Variants in PCDH9 observed in about 807,000 individuals in gnomAD.
The protein encoded by PCDH9 is protocadherin 9.
In PCDH9, 24 loss-of-function variants were observed where a neutral mutation model predicts 70.6. That is an observed-to-expected ratio of 0.34 (90% confidence interval 0.25 to 0.48). The LOEUF is 0.48. PCDH9 is among the 20% of genes least tolerant of loss of function. PCDH9 has a pLI of 0.99. For missense variants in PCDH9, 1,281 were observed against 1,503.6 expected (o/e 0.85, Z 2.45); for synonymous variants, 562 against 558.5 (o/e 1.01, Z -0.09).
intron 4 of PCDH9, among the ~76,000 whole-genome samples, chr13:66,320,394 C>T (rs1433533461): frequency 6.6e-6 from 1 of 151,984 alleles, no homozygotes; most frequent in African/African-American, 2.4e-5. Flanking sequence ...CTTAGGATGT[C>T]AGTCTGTTTC....
intron 4 of PCDH9, among the ~76,000 whole-genome samples, chr13:66,386,801 A>G (rs1278567116): frequency 6.6e-6 from 1 of 152,200 alleles, no homozygotes; most frequent in African/African-American, 2.4e-5. Context: ...GGAGCAAAAT[A>G]CCAGACAGAG....
chr13:66,418,522 A>G (rs982979217), intron 4 of PCDH9, among the ~76,000 whole-genome samples: 1 of 152,268 alleles, frequency 6.6e-6, no homozygotes, highest in African/African-American at 2.4e-5. Context: ...GGCAGAAATA[A>G]ATAAGTTATT....
At chr13:66,684,563 C>G (rs2078373806) in intron 3 of PCDH9, among the ~76,000 whole-genome samples, 2 of 152,144 alleles carry the variant, frequency 1.3e-5, no homozygotes, top group Admixed American at 1.3e-4. Flanking sequence ...GGCTTTCCCC[C>G]TTTCACTTGG....
At chr13:66,573,063 A>C (rs1431865332) in intron 4 of PCDH9, among the ~76,000 whole-genome samples, 1 of 152,046 alleles carries the variant, frequency 6.6e-6, no homozygotes, top group African/African-American at 2.4e-5. Flanking sequence ...AGTATACTAG[A>C]GCTCCTTTTC....
chr13:66,734,737 C>T (rs1057258289), intron 3 of PCDH9, among the ~76,000 whole-genome samples: 1 of 152,176 alleles, frequency 6.6e-6, no homozygotes, highest in Non-Finnish European at 1.5e-5. Context: ...AGGCTAGGTA[C>T]TGCCTATATA....
intron 2 of PCDH9, among the ~76,000 whole-genome samples, chr13:67,094,461 G>A (rs2086280491): frequency 6.6e-6 from 1 of 152,148 alleles, no homozygotes; most frequent in Non-Finnish European, 1.5e-5. Flanking sequence ...TATATTCTCT[G>A]CTGTCAATAT....
At chr13:67,134,766 GA>G (rs1310719930) in intron 2 of PCDH9, among the ~76,000 whole-genome samples, 1 of 151,976 alleles carries the variant, frequency 6.6e-6, no homozygotes, top group Non-Finnish European at 1.5e-5. Flanking sequence ...ATACACTCCA[GA>G]AGCTTTTAAA....
chr13:66,445,592 T>TA (rs1958067083), intron 4 of PCDH9, among the ~76,000 whole-genome samples: 1 of 143,374 alleles, frequency 7.0e-6, no homozygotes, highest in African/African-American at 2.6e-5. Flanking sequence ...TACACATATA[T>TA]ATTATATACA....
chr13:67,173,566 G>C (rs1294425474), intron 2 of PCDH9, among the ~76,000 whole-genome samples: 1 of 152,094 alleles, frequency 6.6e-6, no homozygotes, highest in East Asian at 1.9e-4. Context: ...ACCTGCTCTA[G>C]ATAAAAGTCT....
intron 2 of PCDH9, among the ~76,000 whole-genome samples, chr13:67,106,996 G>A (rs1239662522): frequency 1.3e-5 from 2 of 152,306 alleles, no homozygotes; most frequent in East Asian, 3.9e-4. Flanking sequence ...AGGTCTGCAG[G>A]TGCTCCTTGG....
chr13:66,510,510 C>G (rs1593597979), intron 4 of PCDH9, among the ~76,000 whole-genome samples: 1 of 152,080 alleles, frequency 6.6e-6, no homozygotes, highest in East Asian at 1.9e-4. Flanking sequence ...TCTGTCCCTC[C>G]TCTCCCCACC....
chr13:66,732,792 A>C lies in PCDH9; in HGVS notation c.3139-101381T>G, dbSNP rs142636542. Among the ~76,000 whole-genome samples the C allele has an allele frequency of 3.5e-3, 533 of 152,174 alleles. 2 individuals carry two copies. The highest frequency in any genetic ancestry group is 4.8e-3 in the Non-Finnish European group (328 of 67,918). Reference sequence around the variant, plus strand: ...AAATACATGAAAAATTAGACTATTAAGATTTTTAATTGTCTCACAACTTCA... The same window carrying C: ...AAATACATGAAAAATTAGACTATTACGATTTTTAATTGTCTCACAACTTCA... On this transcript the variant is annotated intron_variant, in intron 3 of 4. Coordinates refer to ENST00000377865, the MANE Select transcript of PCDH9 (RefSeq NM_203487.3).
At chr13:66,774,529 T>C (rs2079859960) in intron 3 of PCDH9, among the ~76,000 whole-genome samples, 1 of 152,088 alleles carries the variant, frequency 6.6e-6, no homozygotes, top group Non-Finnish European at 1.5e-5. Flanking sequence ...GCATAGAAAA[T>C]GGACAGATTG....
chr13:67,198,983 T>C (rs1442501746), intron 2 of PCDH9, among the ~76,000 whole-genome samples: 1 of 151,704 alleles, frequency 6.6e-6, no homozygotes, highest in Non-Finnish European at 1.5e-5. Context: ...AAAACAGAAA[T>C]GTGATACATT....
At chr13:67,144,218 G>A (rs926002931) in intron 2 of PCDH9, among the ~76,000 whole-genome samples, 8 of 152,050 alleles carry the variant, frequency 5.3e-5, no homozygotes, top group African/African-American at 9.7e-5. Context: ...TAATGATGGC[G>A]GGCTTATTTG....
At chr13:66,870,064 T>A (rs959128614) in intron 3 of PCDH9, among the ~76,000 whole-genome samples, 1 of 152,184 alleles carries the variant, frequency 6.6e-6, no homozygotes, top group African/African-American at 2.4e-5. Context: ...AGGTCTAACA[T>A]TTAAGTCTTT....
intron 2 of PCDH9, among the ~76,000 whole-genome samples, chr13:66,966,176 A>G (rs2083432049): frequency 6.6e-6 from 1 of 152,148 alleles, no homozygotes; most frequent in South Asian, 2.1e-4. Context: ...GCAACTCAGT[A>G]CACACAAAAT....
intron 4 of PCDH9, among the ~76,000 whole-genome samples, chr13:66,623,679 A>T (rs4883782): frequency 0.84 from 127,282 of 152,154 alleles, 54,331 homozygotes; most frequent in Admixed American, 0.91. Flanking sequence ...GCTTCAAGTT[A>T]TGTCCTGCCT....
intron 4 of PCDH9, among the ~76,000 whole-genome samples, chr13:66,361,025 C>T (rs1223272528): frequency 6.6e-6 from 1 of 152,026 alleles, no homozygotes; most frequent in African/African-American, 2.4e-5. Flanking sequence ...CTCAAGTGCT[C>T]TTATATAGCC....
Sources: gnomAD v4.1 joint callset for allele counts (sites outside exome capture counted in the v4.1 genomes callset) on GRCh38, gnomAD v4.1.1 for gene constraint, MANE v1.5 for transcripts, NCBI Gene and HGNC (gene_info 2026-07-23, HGNC 2026-07-21) for gene names.